Variants in RNF8 observed in about 807,000 individuals in gnomAD.
The protein encoded by RNF8 is E3 ubiquitin-protein ligase RNF8.
In RNF8, 8 loss-of-function variants were observed where a neutral mutation model predicts 59.3. The ratio of observed to expected loss-of-function variants is 0.13; its 90% CI spans 0.08 to 0.24. The LOEUF (loss-of-function observed/expected upper bound fraction) is 0.24, where lower values mean the gene tolerates loss of function less well. Ranked by LOEUF, RNF8 falls within the 10% of genes least tolerant of loss-of-function variation. RNF8 has a pLI of 1.00. For synonymous variants in RNF8, 162 were observed against 200.0 expected, an observed-to-expected ratio of 0.81 and a Z score of 1.60; for missense variants, 406 against 572.6, an observed-to-expected ratio of 0.71 and a Z score of 2.97.
chr6:37,362,583 G>A (rs1185434592), intron 2 of RNF8, among the ~76,000 whole-genome samples: 1 of 152,140 alleles, frequency 6.6e-6, no homozygotes, highest in Non-Finnish European at 1.5e-5. Context: ...AATCCCCCCT[G>A]CCCCCTGCAC....
At chr6:37,379,775 T>C (rs1326894842) in intron 6 of RNF8, among the ~76,000 whole-genome samples, 2 of 152,228 alleles carry the variant, frequency 1.3e-5, no homozygotes, top group African/African-American at 4.8e-5. Context: ...CTTATATAAT[T>C]CTGTATACTT....
At chr6:37,379,517 T>C (rs1360418339) in intron 6 of RNF8, among the ~76,000 whole-genome samples, 1 of 152,054 alleles carries the variant, frequency 6.6e-6, no homozygotes, top group South Asian at 2.1e-4. Flanking sequence ...TAAACAAGAG[T>C]AACAAAGAAA....
intron 6 of RNF8, among the ~76,000 whole-genome samples, chr6:37,377,948 T>G (rs1770088214): frequency 6.6e-6 from 1 of 152,218 alleles, no homozygotes; most frequent in African/African-American, 2.4e-5. Flanking sequence ...CAGTTCACCT[T>G]AGACCACAGA....
In RNF8 at chr6:37,368,530, G is replaced by T. The variant is rs1769659495; in HGVS notation, c.287G>T (p.Arg96Met). The T allele has an allele frequency of 6.2e-7, 1 of 1,614,138 alleles. No individual in the cohort carries two copies. Among genetic ancestry groups the T allele is most frequent in the African/African-American group, 1.3e-5 (1 of 75,032 alleles). Residue 96 changes from arginine (R) to methionine (M), a missense_variant, in exon 3 of 8, where the codon AGG becomes ATG. Physicochemically the swap from Arg to Met is moderately conservative, Grantham distance 91. Around this residue, in one of 3 missense-constraint regions of RNF8, gnomAD observed 285 missense variants for 342.0 expected, o/e 0.83. Transcript: ENST00000373479. The stretch of plus-strand genomic sequence containing the variant: ...AACAGAGCGCGTCTGGAACCTTTAA[G>T]GGTCTATTCCATTCATCAGGGAGAC... Reference protein sequence around the residue: ...WLNRARLEPLRVYSIHQGDYI... With the variant: ...WLNRARLEPLMVYSIHQGDYI...
chr6:37,368,647 G>A lies in RNF8; in HGVS notation c.404G>A (p.Cys135Tyr). 1 of 1,614,074 alleles carries A rather than the reference G, an allele frequency of 6.2e-7. No homozygotes were observed. Among genetic ancestry groups the A allele is most frequent in the South Asian group, 1.1e-5 (1 of 91,082 alleles). Residue 135 changes from cysteine to tyrosine, a missense_variant, in exon 3 of 8, where the codon TGT (cysteine) becomes TAT (tyrosine). Physicochemically the swap from Cys to Tyr is radical, Grantham distance 194. Coordinates refer to ENST00000373479, the MANE Select transcript of RNF8 (RefSeq NM_003958.4). ...TEEDWETIYP[C>Y]LSPKNDQMIE... ...GAAGACTGGGAGACAATATATCCTT[G>A]TCTTTCCCCAAAGAATGACCAAATG...
intron 1 of RNF8, among the ~76,000 whole-genome samples, chr6:37,355,601 T>G (rs547756918): frequency 6.6e-6 from 1 of 152,314 alleles, no homozygotes; most frequent in South Asian, 2.1e-4. Flanking sequence ...GTTCTTCAAG[T>G]CAGAGGAGGA....
At chr6:37,364,489 T>A (rs533188256) in intron 2 of RNF8, among the ~76,000 whole-genome samples, 1 of 152,332 alleles carries the variant, frequency 6.6e-6, no homozygotes, top group African/African-American at 2.4e-5. Context: ...ATGTTCCGCT[T>A]TAGTAAAGAC....
chr6:37,390,749 A>G lies in RNF8; in HGVS notation c.1449A>G (p.Arg483=), dbSNP rs1355638938. The G allele has an allele frequency of 6.2e-7, 1 of 1,612,234 alleles. No individual in the cohort carries two copies. The highest frequency in any genetic ancestry group is 2.2e-5 in the East Asian group (1 of 44,882). Residue 483 remains arginine, a synonymous_variant, in exon 8 of 8, where the codon AGA becomes AGG. Transcript: ENST00000373479. ...IVLIRERKAK[R]LF Reference sequence around the variant, plus strand: ...TCTTCTTTTTCTCCAAAGCAAAGAGATTGTTCTGAAGACCGTGCTCTAAGG... The same window carrying G: ...TCTTCTTTTTCTCCAAAGCAAAGAGGTTGTTCTGAAGACCGTGCTCTAAGG...
chr6:37,380,522 T>A (rs1770208576), intron 6 of RNF8, among the ~76,000 whole-genome samples: 1 of 151,506 alleles, frequency 6.6e-6, no homozygotes, highest in African/African-American at 2.4e-5. Context: ...TACAAAAAAA[T>A]TAGCCGGGTG....
intron 7 of RNF8, among the ~76,000 whole-genome samples, chr6:37,381,569 G>A (rs551317108): frequency 6.6e-6 from 1 of 152,302 alleles, no homozygotes; most frequent in South Asian, 2.1e-4. Context: ...CAGCAGGGAA[G>A]TGGGAGGCTA....
chr6:37,381,436 A>T, intron 7 of RNF8, 82 bp downstream of exon 7: 2 of 1,262,582 alleles, frequency 1.6e-6, no homozygotes, highest in South Asian at 2.7e-5. Flanking sequence ...GGAAAGAGAA[A>T]GAGTCAGATA....
chr6:37,359,805 A>G (rs1769247880), intron 1 of RNF8, among the ~76,000 whole-genome samples: 3 of 152,252 alleles, frequency 2.0e-5, no homozygotes, highest in African/African-American at 7.2e-5. Context: ...ACTGTGTAAT[A>G]GAAATTAAGT....
At chr6:37,379,892 A>C (rs1480662463) in intron 6 of RNF8, among the ~76,000 whole-genome samples, 1 of 152,082 alleles carries the variant, frequency 6.6e-6, no homozygotes, top group Non-Finnish European at 1.5e-5. Flanking sequence ...GGAAAATAAT[A>C]CTTTTTATTG....
At position 37,360,623 on chromosome 6, in the gene RNF8, C is replaced by CTT. The variant is rs34469147; in HGVS notation, c.240+62_240+63dup. On this transcript the variant is annotated intron_variant, in intron 2 of 7. Transcript: ENST00000373479. The surrounding 1 kb of genome is among the most constrained non-coding windows in gnomAD (Gnocchi z 4.2). ...ATGACTTTTATTTGTTTTTAAATTACTTTTTTTTTTTTTTGCATAGGTAAT... is the reference window on the plus strand; with the variant it reads ...ATGACTTTTATTTGTTTTTAAATTACTTTTTTTTTTTTTTTTGCATAGGTAAT... 1.9e-3 allele frequency: 2,352 copies of CTT among 1,257,638 alleles called. No homozygotes were observed. The highest frequency in any genetic ancestry group is 6.3e-3 in the East Asian group (226 of 36,090). The allele number at this position is 1,257,638 out of a possible 1,614,324, so 77.9% of individuals were successfully genotyped here. A position where few individuals can be genotyped will look rare whatever the true frequency, so the allele number is the denominator to read the frequency against.
chr6:37,357,509 C>G (rs918153053), intron 1 of RNF8, among the ~76,000 whole-genome samples: 21 of 152,222 alleles, frequency 1.4e-4, no homozygotes, highest in African/African-American at 4.8e-4. Context: ...GATGCTTCCT[C>G]TCTTAGAGAT....
At chr6:37,369,329 C>G (rs1046624629) in intron 3 of RNF8, 111 bp downstream of exon 3, 3 of 1,283,244 alleles carry the variant, frequency 2.3e-6, no homozygotes, top group Non-Finnish European at 3.2e-6. Context: ...TTCTGAGCAC[C>G]AAAGACAGGA....
At chr6:37,375,845 GT>G (rs1192897683) in intron 5 of RNF8, among the ~76,000 whole-genome samples, 2 of 152,186 alleles carry the variant, frequency 1.3e-5, no homozygotes, top group African/African-American at 4.8e-5. Context: ...AATGCTTTTT[GT>G]TTTGGGGGTG....
At chr6:37,356,628 T>C (rs998323412) in intron 1 of RNF8, among the ~76,000 whole-genome samples, 5 of 152,212 alleles carry the variant, frequency 3.3e-5, no homozygotes, top group Non-Finnish European at 7.4e-5. Context: ...TCTAGGCCTT[T>C]GGGGAAAACA....
intron 7 of RNF8, among the ~76,000 whole-genome samples, chr6:37,385,453 C>T (rs990317982): frequency 1.3e-5 from 2 of 151,406 alleles, no homozygotes; most frequent in Non-Finnish European, 3.0e-5. Context: ...ATGGTGAAAC[C>T]CCATCTCTAC....
Sources: allele counts gnomAD v4.1 joint callset (sites outside exome capture counted in the v4.1 genomes callset), GRCh38; gene constraint gnomAD v4.1.1; regional missense constraint gnomAD v4.1.1; non-coding constraint Gnocchi (gnomAD v3.1); transcripts MANE v1.5; gene names NCBI Gene and HGNC (gene_info 2026-07-23, HGNC 2026-07-21).